The following STXBP5L variants were observed in gnomAD, a reference collection of about 807,000 sequenced individuals.
STXBP5L encodes syntaxin binding protein 5L.
Under a neutral mutation model 144.5 loss-of-function variants are expected in STXBP5L, and 65 were observed. The observed-to-expected ratio is 0.45, with a 90% CI of 0.37 to 0.55. STXBP5L has a LOEUF of 0.55. Ranked by LOEUF, STXBP5L falls within the 20% of genes least tolerant of loss-of-function variation. The probability of loss-of-function intolerance (pLI) is 0.00; values close to 1 mark genes in which losing one functional copy is unlikely to be tolerated. For synonymous variants in STXBP5L, 505 were observed against 469.6 expected (o/e 1.08, Z -0.97); for missense variants, 1,298 against 1,405.5 (o/e 0.92, Z 1.22).
chr3:121,388,990 G>C (rs577756575), intron 22 of STXBP5L, among the ~76,000 whole-genome samples: 25 of 152,266 alleles, frequency 1.6e-4, no homozygotes, highest in Admixed American at 1.6e-3. Flanking sequence ...TGTGCCTCTG[G>C]TAGAATACAG....
intron 19 of STXBP5L, among the ~76,000 whole-genome samples, chr3:121,305,136 G>A (rs1300772331): frequency 6.6e-6 from 1 of 152,024 alleles, no homozygotes; most frequent in Non-Finnish European, 1.5e-5. Flanking sequence ...GAAAATATAA[G>A]TAACCCATAT....
At chr3:120,911,770 A>G (rs470537) in intron 2 of STXBP5L, among the ~76,000 whole-genome samples, 72,187 of 151,860 alleles carry the variant, frequency 0.48, 17,783 homozygotes, top group African/African-American at 0.56. Context: ...AAATACTGTA[A>G]CATCTTTGGA....
intron 18 of STXBP5L, among the ~76,000 whole-genome samples, chr3:121,262,315 T>G (rs1029842369): frequency 1.3e-5 from 2 of 152,222 alleles, no homozygotes; most frequent in African/African-American, 4.8e-5. Context: ...ACTCAAAAGT[T>G]TAACGTTCAA....
At chr3:121,022,769 G>C (rs1945655190) in intron 3 of STXBP5L, among the ~76,000 whole-genome samples, 1 of 151,972 alleles carries the variant, frequency 6.6e-6, no homozygotes, top group African/African-American at 2.4e-5. Flanking sequence ...TTAAGGTAAA[G>C]CCATCTGTGA....
At chr3:121,160,721 C>T (rs896175148) in intron 9 of STXBP5L, among the ~76,000 whole-genome samples, 1 of 152,054 alleles carries the variant, frequency 6.6e-6, no homozygotes, top group Non-Finnish European at 1.5e-5. Context: ...GAATTTTGGC[C>T]TACCACTTTA....
chr3:121,354,508 C>G (rs1322428858), intron 20 of STXBP5L, among the ~76,000 whole-genome samples: 1 of 67,542 alleles, frequency 1.5e-5, no homozygotes, highest in Admixed American at 1.8e-4. Context: ...TGCAACCCTG[C>G]TTTTTTTTTT....
At chr3:120,935,895 A>G (rs1000257461) in intron 2 of STXBP5L, among the ~76,000 whole-genome samples, 1 of 151,912 alleles carries the variant, frequency 6.6e-6, no homozygotes, top group Non-Finnish European at 1.5e-5. Flanking sequence ...TCCTAGAATT[A>G]TGGTTTGGTG....
chr3:121,236,927 T>G (rs1433572256), intron 12 of STXBP5L, among the ~76,000 whole-genome samples: 1 of 152,208 alleles, frequency 6.6e-6, no homozygotes, highest in African/African-American at 2.4e-5. Flanking sequence ...TCATGTAGCT[T>G]TAAAACACAG....
intron 3 of STXBP5L, among the ~76,000 whole-genome samples, chr3:120,975,882 C>G (rs1940930895): frequency 1.3e-5 from 2 of 151,932 alleles, no homozygotes; most frequent in Non-Finnish European, 2.9e-5. Context: ...CCTTGCATCC[C>G]AGGGATGAAG....
chr3:121,091,730 G>T (rs1484011049), intron 5 of STXBP5L, among the ~76,000 whole-genome samples: 1 of 152,282 alleles, frequency 6.6e-6, no homozygotes, highest in Non-Finnish European at 1.5e-5. Context: ...TAGGTTGCCT[G>T]TTCACTCTGA....
rs183690526 is a variant in STXBP5L at position 121,417,254 on chromosome 3, C to T, written c.3227-1083C>T. Among the ~76,000 whole-genome samples, 689 of 152,082 alleles carry T rather than the reference C, an allele frequency of 4.5e-3. 4 individuals carry two copies. The highest frequency in any genetic ancestry group is 0.015 in the African/African-American group (639 of 41,488). On this transcript the variant is annotated intron_variant, in intron 25 of 26. Transcript: ENST00000471454. ...TCTGCAATCAGATAGTGGTGATGGT[C>T]GTACAACTTTGTGAATACACTAAAA... is the stretch of plus-strand genomic sequence containing the variant.
Position 120,909,628 on chromosome 3 carries a change from C to T in STXBP5L, c.50C>T (p.Ser17Phe). The stretch of plus-strand genomic sequence containing the variant: ...GTTTTGGATGGCTTAACTGCCTCCT[C>T]CCCTGGCAGTGGTAGCAGCAGTGGC... Reference protein sequence around the residue: ...RKVLDGLTASSPGSGSSSGSN... With the variant: ...RKVLDGLTASFPGSGSSSGSN... Residue 17 changes from serine to phenylalanine, a missense_variant, in exon 2 of 27, where the codon TCC becomes TTC. Transcript: ENST00000471454. The T allele has an allele frequency of 6.2e-7, 1 of 1,613,542 alleles. No homozygotes were observed. Among genetic ancestry groups the T allele is most frequent in the Non-Finnish European group, 8.5e-7 (1 of 1,179,762 alleles).
rs182273269 is a variant in STXBP5L, at chr3:121,350,654, G to C, written c.2177-28062G>C. On this transcript the variant is annotated intron_variant, in intron 20 of 26. Coordinates refer to ENST00000471454, the MANE Select transcript of STXBP5L (RefSeq NM_001308330.2). ...CCCATATTTCTTGGAGGCTTTGTTC[G>C]TTTCTTTTTATTCTTTTTTTCGTTA... is the stretch of plus-strand genomic sequence containing the variant. 1.4e-3 allele frequency among the ~76,000 whole-genome samples: 220 copies of C among 152,108 alleles called. 2 individuals carry two copies. The highest frequency in any genetic ancestry group is 5.1e-3 in the African/African-American group (211 of 41,488).
chr3:121,214,400 A>T (rs930664414), intron 10 of STXBP5L, among the ~76,000 whole-genome samples: 2 of 152,148 alleles, frequency 1.3e-5, no homozygotes, highest in African/African-American at 4.8e-5. Context: ...AGATTCTGGT[A>T]CATTGTGTCT....
rs2108765419 is a variant in STXBP5L at position 121,423,655 on chromosome 3, T to C, written c.*4558T>C. 1 of 152,092 alleles carries C rather than the reference T, an allele frequency of 6.6e-6. No homozygotes were observed. The highest frequency in any genetic ancestry group is 1.5e-5 in the Non-Finnish European group (1 of 68,012). The allele number at this position is 152,092 out of a possible 1,614,324, so 9.4% of individuals were successfully genotyped here. A position where few individuals can be genotyped will look rare whatever the true frequency, so the allele number is the denominator to read the frequency against. Reference sequence around the variant, plus strand: ...CCAATTATATTAAAATCATTTGGAGTGGGAACCAGACACCAATATTTGCGA... The same window carrying C: ...CCAATTATATTAAAATCATTTGGAGCGGGAACCAGACACCAATATTTGCGA... On this transcript the variant is annotated 3_prime_UTR_variant, in exon 27 of 27. Coordinates refer to ENST00000471454, the MANE Select transcript of STXBP5L (RefSeq NM_001308330.2).
At chr3:121,332,555 A>C (rs2044355332) in intron 20 of STXBP5L, among the ~76,000 whole-genome samples, 1 of 152,034 alleles carries the variant, frequency 6.6e-6, no homozygotes, top group Non-Finnish European at 1.5e-5. Flanking sequence ...TAATTCAATC[A>C]AACAAAAATA....
At chr3:121,333,107 C>A (rs1057187311) in intron 20 of STXBP5L, among the ~76,000 whole-genome samples, 1 of 152,074 alleles carries the variant, frequency 6.6e-6, no homozygotes, top group Non-Finnish European at 1.5e-5. Context: ...AACCAAAGGT[C>A]AATATGCACC....
At chr3:121,200,093 G>T (rs1445580757) in intron 9 of STXBP5L, among the ~76,000 whole-genome samples, 3 of 152,086 alleles carry the variant, frequency 2.0e-5, no homozygotes, top group Non-Finnish European at 4.4e-5. Context: ...GTAGAATTTG[G>T]CTGTGAATCC....
chr3:120,986,876 A>G (rs752748402), intron 3 of STXBP5L, among the ~76,000 whole-genome samples: 5 of 152,094 alleles, frequency 3.3e-5, no homozygotes, highest in African/African-American at 1.2e-4. Flanking sequence ...AAGATAGCGC[A>G]ATGAAAATTA....
Sources: gnomAD v4.1 joint callset for allele counts (sites outside exome capture counted in the v4.1 genomes callset) on GRCh38, gnomAD v4.1.1 for gene constraint, MANE v1.5 for transcripts, NCBI Gene and HGNC (gene_info 2026-07-23, HGNC 2026-07-21) for gene names.